NETO1: variants seen among roughly 807,000 people sequenced by gnomAD.
NETO1 encodes the protein neuropilin and tolloid like 1, also known as neuropilin and tolloid-like protein 1.
A neutral mutation model predicts 61.3 loss-of-function variants in NETO1; 26 were observed. The ratio of observed to expected loss-of-function variants is 0.42; its 90% CI spans 0.31 to 0.59. The LOEUF (loss-of-function observed/expected upper bound fraction) is 0.59, where lower values mean the gene tolerates loss of function less well. Among genes scored for constraint, NETO1 ranks in the 20% least tolerant of loss-of-function variants. The pLI is 0.12. For synonymous variants in NETO1, 225 were observed against 225.8 expected (o/e 1.00, Z 0.03); for missense variants, 531 against 662.8 (o/e 0.80, Z 2.18).
chr18:72,824,680 C>A (rs1234871041), intron 4 of NETO1, among the ~76,000 whole-genome samples: 1 of 149,354 alleles, frequency 6.7e-6, no homozygotes, highest in Non-Finnish European at 1.5e-5. Flanking sequence ...GCCTGGCCAA[C>A]ATGGCGAAAC....
At position 72,861,368 on chromosome 18, in the gene NETO1, C is replaced by A. The variant is rs2005001; in HGVS notation, c.221-2294G>T. 1.9e-3 allele frequency among the ~76,000 whole-genome samples: 293 copies of A among 152,152 alleles called. 1 individual carries two copies. Among genetic ancestry groups the A allele is most frequent in the African/African-American group, 6.7e-3 (277 of 41,506 alleles). ...CTAAGTTTGCCACATACTTATTGTG[C>A]TAGATTAAAAATGAGTGATTATGGC... On this transcript the variant is annotated intron_variant, in intron 3 of 10. Coordinates refer to ENST00000327305, the MANE Select transcript of NETO1 (RefSeq NM_138966.5).
At chr18:72,789,136 C>T (rs992462105) in intron 6 of NETO1, among the ~76,000 whole-genome samples, 8 of 151,764 alleles carry the variant, frequency 5.3e-5, no homozygotes, top group Non-Finnish European at 1.0e-4. Flanking sequence ...TCCGTTTGGA[C>T]GGTATCAATG....
chr18:72,784,533 C>G (rs1324462969), intron 6 of NETO1, among the ~76,000 whole-genome samples: 1 of 152,072 alleles, frequency 6.6e-6, no homozygotes, highest in Non-Finnish European at 1.5e-5. Context: ...ATGTACTGTG[C>G]AACTTGCTTT....
At chr18:72,835,091 TAGG>T in intron 4 of NETO1, 1 of 1,122,012 alleles carries the variant, frequency 8.9e-7, no homozygotes, top group Non-Finnish European at 1.1e-6. Flanking sequence ...GGTTTCAAGG[TAGG>T]AGTTCTAATT....
intron 7 of NETO1, among the ~76,000 whole-genome samples, chr18:72,764,983 T>C (rs140722314): frequency 1.3e-5 from 2 of 152,120 alleles, no homozygotes; most frequent in Non-Finnish European, 2.9e-5. Flanking sequence ...GACAGCAATC[T>C]TACATGGAGT....
chr18:72,816,073 C>G (rs2073024322), intron 4 of NETO1, among the ~76,000 whole-genome samples: 2 of 151,974 alleles, frequency 1.3e-5, no homozygotes. Context: ...CTCTCTCTCC[C>G]TCTGTCCCCT....
At chr18:72,844,606 G>T (rs939248931) in intron 4 of NETO1, among the ~76,000 whole-genome samples, 2 of 152,028 alleles carry the variant, frequency 1.3e-5, no homozygotes, top group Admixed American at 1.3e-4. Context: ...AGATTTTTTC[G>T]TATCTGGCGT....
In NETO1 at chr18:72,750,055, TACTG is replaced by T; in HGVS notation, c.1541+3_1541+6del. 1 of 1,552,126 alleles carries T rather than the reference TACTG, an allele frequency of 6.4e-7. No homozygotes were observed. Among genetic ancestry groups the T allele is most frequent in the Non-Finnish European group, 8.7e-7 (1 of 1,149,110 alleles). ...TAGTTGTCATCAAAAAATCTATTGA[TACTG>T]ACCGCTGGACGGCTTTATCGTGTCT... On this transcript the variant is annotated splice_donor_5th_base_variant and intron_variant, in intron 9 of 10. Transcript: ENST00000327305.
At chr18:72,845,771 T>C (rs112190210) in intron 4 of NETO1, among the ~76,000 whole-genome samples, 1 of 152,226 alleles carries the variant, frequency 6.6e-6, no homozygotes, top group Non-Finnish European at 1.5e-5. Flanking sequence ...ATCCAAACCA[T>C]ACACTAAATG....
At chr18:72,756,273 G>C (rs2070780633) in intron 7 of NETO1, 126 bp from the exon 8 acceptor site, 1 of 553,454 alleles carries the variant, frequency 1.8e-6, no homozygotes, top group East Asian at 2.9e-5. Flanking sequence ...TAAATGATCT[G>C]CCGTGCGATT....
At chr18:72,776,719 T>TA (rs753429323) in intron 7 of NETO1, among the ~76,000 whole-genome samples, 14 of 152,310 alleles carry the variant, frequency 9.2e-5, no homozygotes, top group Non-Finnish European at 2.1e-4. Context: ...CCCAAAGGTC[T>TA]AAACTCCTAA....
intron 4 of NETO1, among the ~76,000 whole-genome samples, chr18:72,842,148 A>T (rs1487779629): frequency 2.0e-5 from 3 of 152,234 alleles, no homozygotes; most frequent in Non-Finnish European, 4.4e-5. Flanking sequence ...AAAAATGCAG[A>T]GTAGTGCCTG....
intron 8 of NETO1, among the ~76,000 whole-genome samples, chr18:72,752,842 A>G (rs2070667448): frequency 6.6e-6 from 1 of 152,186 alleles, no homozygotes; most frequent in Admixed American, 6.5e-5. Context: ...TAAAGTCTAG[A>G]ATTGAACAGT....
chr18:72,837,538 AT>A (rs2073790088), intron 4 of NETO1, among the ~76,000 whole-genome samples: 1 of 152,182 alleles, frequency 6.6e-6, no homozygotes, highest in Non-Finnish European at 1.5e-5. Flanking sequence ...CAAGATGGAA[AT>A]TTTTAGGCTG....
intron 4 of NETO1, chr18:72,835,132 T>C: frequency 8.1e-7 from 1 of 1,227,934 alleles, no homozygotes; most frequent in Non-Finnish European, 1.0e-6. Flanking sequence ...TGGCAAACTT[T>C]CTCCAGAAAG....
intron 4 of NETO1, among the ~76,000 whole-genome samples, chr18:72,853,027 G>A (rs1196366111): frequency 6.6e-6 from 1 of 151,652 alleles, no homozygotes; most frequent in African/African-American, 2.4e-5. Flanking sequence ...TAGAGACAGA[G>A]TTTCACCATG....
intron 4 of NETO1, among the ~76,000 whole-genome samples, chr18:72,800,794 T>C (rs2072480066): frequency 6.6e-6 from 1 of 152,174 alleles, no homozygotes. Context: ...TACTCAGTAC[T>C]GAATTTAACA....
At position 72,867,374 on chromosome 18, in the gene NETO1, G is replaced by A; in HGVS notation, c.-83C>T. 1.7e-6 allele frequency: 2 copies of A among 1,150,348 alleles called. No individual in the cohort carries two copies. The highest frequency in any genetic ancestry group is 2.4e-6 in the Non-Finnish European group (2 of 826,812). 71.3% of individuals were successfully genotyped at this position (1,150,348 alleles called of 1,614,324 possible). On this transcript the variant is annotated 5_prime_UTR_variant, in exon 1 of 11. Coordinates refer to ENST00000327305, the MANE Select transcript of NETO1 (RefSeq NM_138966.5). The stretch of plus-strand genomic sequence containing the variant: ...ACTTCCAGTGGCGGGGGGAGGACAG[G>A]GTCGAGAGGTGTTAAAGACGCAAAG...
intron 7 of NETO1, among the ~76,000 whole-genome samples, chr18:72,762,944 T>C (rs1301581357): frequency 6.6e-6 from 1 of 152,232 alleles, no homozygotes; most frequent in Non-Finnish European, 1.5e-5. Flanking sequence ...TAGATTTACA[T>C]AATGTATTTA....
Sources: allele counts gnomAD v4.1 joint callset (sites outside exome capture counted in the v4.1 genomes callset), GRCh38; gene constraint gnomAD v4.1.1; transcripts MANE v1.5; gene names NCBI Gene and HGNC (gene_info 2026-07-23, HGNC 2026-07-21).